The following C12orf42 variants were observed in gnomAD, a reference collection of about 807,000 sequenced individuals.
C12orf42 encodes the protein chromosome 12 open reading frame 42, also known as uncharacterized protein C12orf42.
Under a neutral mutation model 21.6 loss-of-function variants are expected in C12orf42, and 25 were observed. The observed-to-expected ratio is 1.16, with a 90% CI of 0.84 to 1.62. The LOEUF (loss-of-function observed/expected upper bound fraction) is 1.62, where lower values mean the gene tolerates loss of function less well. C12orf42 is among the 40% of genes most tolerant of loss of function. The pLI is 0.00. For synonymous variants in C12orf42, 174 were observed against 175.0 expected, an observed-to-expected ratio of 0.99 and a Z score of 0.05; for missense variants, 483 against 459.3, an observed-to-expected ratio of 1.05 and a Z score of -0.47.
chr12:103,368,315 T>TCA (rs139339132), intron 4 of C12orf42, among the ~76,000 whole-genome samples: 2 of 135,406 alleles, frequency 1.5e-5, no homozygotes, highest in East Asian at 2.2e-4. Context: ...TGTCTCTCTC[T>TCA]CTCACACACA....
the C12orf42 span, among the ~76,000 whole-genome samples, chr12:103,149,744 G>A: frequency 0.017 from 2,537 of 152,222 alleles, 28 homozygotes; most frequent in South Asian, 0.034. Flanking sequence ...GTTTCCTGAT[G>A]CCTCCGCAGC....
chr12:103,261,948 G>A (rs1400874097), intron 10 of C12orf42, among the ~76,000 whole-genome samples: 1 of 152,150 alleles, frequency 6.6e-6, no homozygotes, highest in Non-Finnish European at 1.5e-5. Context: ...ATAGCTGGTT[G>A]GTGCAGAAGG....
chr12:103,055,476 C>T, the C12orf42 span, among the ~76,000 whole-genome samples: 1 of 151,738 alleles, frequency 6.6e-6, no homozygotes, highest in Admixed American at 6.6e-5. Context: ...TGAGGTTTGT[C>T]AATTTTATTA....
the C12orf42 span, among the ~76,000 whole-genome samples, chr12:103,222,365 GA>G: frequency 6.6e-6 from 1 of 152,092 alleles, no homozygotes; most frequent in Non-Finnish European, 1.5e-5. Context: ...GATGACCCAG[GA>G]AAAGGACTTT....
At position 103,322,659 on chromosome 12, in the gene C12orf42, C is replaced by T. The variant is rs571302499; in HGVS notation, c.260-16314G>A. 5.8e-4 allele frequency among the ~76,000 whole-genome samples: 89 copies of T among 152,256 alleles called. 2 individuals carry two copies. In the South Asian group the frequency reaches 0.018, roughly 32 times the overall value. ...TCTCGGTAATGTCTTATCGAAATAACTTTAATAAATTAGTTGCTGTTATTG... is the reference window on the plus strand; with the variant it reads ...TCTCGGTAATGTCTTATCGAAATAATTTTAATAAATTAGTTGCTGTTATTG... On this transcript the variant is annotated intron_variant, in intron 4 of 5. Coordinates refer to ENST00000548883, the MANE Select transcript of C12orf42 (RefSeq NM_198521.5).
the C12orf42 span, among the ~76,000 whole-genome samples, chr12:103,096,932 T>G: frequency 6.6e-6 from 1 of 152,202 alleles, no homozygotes; most frequent in Non-Finnish European, 1.5e-5. Flanking sequence ...TGTGTCTATA[T>G]GGTGTTTATA....
intron 4 of C12orf42, among the ~76,000 whole-genome samples, chr12:103,335,285 C>T (rs2041594611): frequency 1.3e-5 from 2 of 152,190 alleles, no homozygotes; most frequent in Non-Finnish European, 1.5e-5. Flanking sequence ...AAGCAGGATG[C>T]ACCCTTTTGG....
chr12:103,239,641 G>A (rs1055179564), intron 10 of C12orf42, among the ~76,000 whole-genome samples: 2 of 152,140 alleles, frequency 1.3e-5, no homozygotes, highest in Non-Finnish European at 2.9e-5. Flanking sequence ...TGTTAATCTG[G>A]GATCAGTTCC....
At chr12:103,054,522 C>T in the C12orf42 span, among the ~76,000 whole-genome samples, 1 of 151,774 alleles carries the variant, frequency 6.6e-6, no homozygotes, top group Admixed American at 6.6e-5. Context: ...ATCATGTCAC[C>T]TGTAAATAGG....
the C12orf42 span, among the ~76,000 whole-genome samples, chr12:103,529,225 T>C: frequency 6.6e-6 from 1 of 152,230 alleles, no homozygotes; most frequent in Non-Finnish European, 1.5e-5. Flanking sequence ...TCTCAACCTT[T>C]GTGTTCACTT....
the C12orf42 span, among the ~76,000 whole-genome samples, chr12:103,115,639 T>C: frequency 7.9e-5 from 12 of 152,344 alleles, 1 homozygote; most frequent in Admixed American, 3.9e-4. Flanking sequence ...TTAGTACATG[T>C]AAAGGATTTA....
At chr12:103,360,144 A>T (rs1019995414) in intron 4 of C12orf42, among the ~76,000 whole-genome samples, 3 of 149,360 alleles carry the variant, frequency 2.0e-5, no homozygotes, top group Admixed American at 6.6e-5. Flanking sequence ...ATGCAACTTG[A>T]TCATATCTAG....
chr12:103,099,135 T>C, the C12orf42 span, among the ~76,000 whole-genome samples: 2 of 152,240 alleles, frequency 1.3e-5, no homozygotes, highest in Non-Finnish European at 2.9e-5. Context: ...TACTGTATCC[T>C]AAAGCTCCAC....
chr12:103,431,739 T>G (rs1950282959), intron 2 of C12orf42, among the ~76,000 whole-genome samples: 1 of 152,222 alleles, frequency 6.6e-6, no homozygotes, highest in South Asian at 2.1e-4. Flanking sequence ...ATGATTTGAC[T>G]TTCTAGAAAC....
At chr12:103,088,885 C>G in the C12orf42 span, among the ~76,000 whole-genome samples, 1 of 151,980 alleles carries the variant, frequency 6.6e-6, no homozygotes. Context: ...GGCCAGATCA[C>G]GAGGTCAGGA....
At chr12:103,517,198 T>A in the C12orf42 span, among the ~76,000 whole-genome samples, 65 of 152,292 alleles carry the variant, frequency 4.3e-4, 1 homozygote, top group Admixed American at 1.5e-3. Context: ...TGGTTTTTGG[T>A]TTTTTTGTAA....
the C12orf42 span, among the ~76,000 whole-genome samples, chr12:103,085,598 A>G: frequency 6.6e-6 from 1 of 152,048 alleles, no homozygotes; most frequent in Non-Finnish European, 1.5e-5. Context: ...CGCTCAAATT[A>G]AAAAAGAGAA....
chr12:103,161,702 A>G, the C12orf42 span: 1 of 152,212 alleles, frequency 6.6e-6, no homozygotes, highest in Non-Finnish European at 1.5e-5. Flanking sequence ...AAAATTGCAC[A>G]GTAGTTAGTA....
chr12:103,464,020 C>A (rs145727299), intron 2 of C12orf42, among the ~76,000 whole-genome samples: 1 of 152,004 alleles, frequency 6.6e-6, no homozygotes, highest in East Asian at 1.9e-4. Context: ...TTGTGAATAG[C>A]GCTGTAATGA....
Sources: allele counts gnomAD v4.1 joint callset (sites outside exome capture counted in the v4.1 genomes callset), GRCh38; gene constraint gnomAD v4.1.1; transcripts MANE v1.5; gene names NCBI Gene and HGNC (gene_info 2026-07-23, HGNC 2026-07-21).